RABGAP1L: variants seen among roughly 807,000 people sequenced by gnomAD.
RABGAP1L encodes rab GTPase-activating protein 1-like.
A neutral mutation model predicts 137.7 loss-of-function variants in RABGAP1L; 63 were observed. The ratio of observed to expected loss-of-function variants is 0.46; its 90% CI spans 0.37 to 0.56. RABGAP1L has a LOEUF of 0.56. RABGAP1L is among the 20% of genes least tolerant of loss of function. RABGAP1L has a pLI of 0.00. For synonymous variants in RABGAP1L, 431 were observed against 433.7 expected, an observed-to-expected ratio of 0.99 and a Z score of 0.08; for missense variants, 1,095 against 1,244.0, an observed-to-expected ratio of 0.88 and a Z score of 1.80.
At chr1:174,507,576 G>A (rs41397546) in intron 13 of RABGAP1L, among the ~76,000 whole-genome samples, 11,879 of 151,858 alleles carry the variant, frequency 0.078, 648 homozygotes, top group East Asian at 0.32. Context: ...ACTTCATATA[G>A]CAACTTCTTT....
intron 14 of RABGAP1L, among the ~76,000 whole-genome samples, chr1:174,681,640 C>T (rs1678073341): frequency 6.6e-6 from 1 of 152,060 alleles, no homozygotes; most frequent in African/African-American, 2.4e-5. Flanking sequence ...ACATAAATGC[C>T]CCAGCTCAAG....
Position 174,582,404 on chromosome 1 carries a change from C to A in RABGAP1L, c.1711-54971C>A, listed in dbSNP as rs535997317. 2.0e-5 allele frequency among the ~76,000 whole-genome samples: 3 copies of A among 152,140 alleles called. No homozygotes were observed. In the South Asian group the frequency reaches 6.2e-4, roughly 32 times the overall value. On this transcript the variant is annotated intron_variant, in intron 13 of 25. Coordinates refer to ENST00000681986, the MANE Select transcript of RABGAP1L (RefSeq NM_001366446.1). Reference sequence around the variant, plus strand: ...AGCTGCAAAGAGATGAGATGAAAATCAGGCAAGAGGTATTCTGGAGCCCAT... The same window carrying A: ...AGCTGCAAAGAGATGAGATGAAAATAAGGCAAGAGGTATTCTGGAGCCCAT...
intron 19 of RABGAP1L, chr1:174,897,974 A>T: frequency 8.7e-6 from 1 of 114,890 alleles, no homozygotes; most frequent in Admixed American, 8.4e-5. Context: ...GTGAGACTCC[A>T]TCTCAAAAAA....
chr1:174,517,325 A>C (rs1398028617), intron 13 of RABGAP1L, among the ~76,000 whole-genome samples: 1 of 152,162 alleles, frequency 6.6e-6, no homozygotes, highest in Non-Finnish European at 1.5e-5. Flanking sequence ...TTGAGGACAT[A>C]ATTTGAGAGA....
At chr1:174,590,499 CCT>C (rs1223912634) in intron 13 of RABGAP1L, among the ~76,000 whole-genome samples, 20 of 92,048 alleles carry the variant, frequency 2.2e-4, no homozygotes, top group African/African-American at 9.6e-4. Context: ...ATCCCTCCCC[CCT>C]CCCCCGACCC....
chr1:174,842,764 C>G (rs540567805), intron 19 of RABGAP1L, among the ~76,000 whole-genome samples: 1 of 152,298 alleles, frequency 6.6e-6, no homozygotes, highest in East Asian at 1.9e-4. Flanking sequence ...TGATCCTGTT[C>G]TCTGCTTCCA....
chr1:174,982,756 T>G, intron 23 of RABGAP1L, 78 bp from the exon 24 acceptor site: 1 of 1,361,822 alleles, frequency 7.3e-7, no homozygotes, highest in Non-Finnish European at 1.0e-6. Context: ...GCATAACACA[T>G]GAATTGATAA....
chr1:174,364,523 G>A (rs895246393), intron 11 of RABGAP1L, among the ~76,000 whole-genome samples: 10 of 151,838 alleles, frequency 6.6e-5, no homozygotes, highest in Non-Finnish European at 1.2e-4. Context: ...CAAAGTGCTG[G>A]GATTACAGGC....
chr1:174,811,480 AT>A (rs2148857074), intron 18 of RABGAP1L, among the ~76,000 whole-genome samples: 1 of 152,312 alleles, frequency 6.6e-6, no homozygotes, highest in South Asian at 2.1e-4. Flanking sequence ...GAAGTCACAG[AT>A]TAGTCCTAGA....
chr1:174,429,039 C>A (rs1013407474), intron 13 of RABGAP1L, among the ~76,000 whole-genome samples: 1 of 151,924 alleles, frequency 6.6e-6, no homozygotes, highest in Non-Finnish European at 1.5e-5. Context: ...AAATTAGGTT[C>A]TTTTTCTGGT....
chr1:174,939,867 A>G (rs912358724), intron 19 of RABGAP1L, among the ~76,000 whole-genome samples: 1 of 152,236 alleles, frequency 6.6e-6, no homozygotes, highest in African/African-American at 2.4e-5. Flanking sequence ...CATAGTCTTT[A>G]TCTGTTTCTT....
intron 13 of RABGAP1L, among the ~76,000 whole-genome samples, chr1:174,429,068 A>G (rs544697788): frequency 5.3e-5 from 8 of 152,310 alleles, no homozygotes; most frequent in Middle Eastern, 6.8e-3. Context: ...AGTGCTTGCA[A>G]TTCCTTTTTT....
intron 13 of RABGAP1L, among the ~76,000 whole-genome samples, chr1:174,402,617 T>A (rs1314090774): frequency 1.3e-5 from 2 of 152,162 alleles, no homozygotes; most frequent in Admixed American, 1.3e-4. Flanking sequence ...ACTGGAAGAC[T>A]TTTACCACAT....
At chr1:174,383,578 TTGAC>T (rs1398191355) in intron 12 of RABGAP1L, among the ~76,000 whole-genome samples, 4 of 152,138 alleles carry the variant, frequency 2.6e-5, no homozygotes, top group Non-Finnish European at 4.4e-5. Flanking sequence ...ACCGCTTTCT[TTGAC>T]TGGGAAAGGG....
intron 13 of RABGAP1L, among the ~76,000 whole-genome samples, chr1:174,396,380 T>C (rs1329497560): frequency 1.3e-5 from 2 of 152,106 alleles, no homozygotes; most frequent in Non-Finnish European, 2.9e-5. Flanking sequence ...CAATATTGAA[T>C]AGTATTTTAT....
At chr1:174,534,021 C>T (rs889740390) in intron 13 of RABGAP1L, among the ~76,000 whole-genome samples, 3 of 152,026 alleles carry the variant, frequency 2.0e-5, no homozygotes, top group East Asian at 3.9e-4. Context: ...AGGCTTCTGG[C>T]TAGCAGTAGG....
chr1:174,741,472 C>T (rs2148651961), intron 17 of RABGAP1L, among the ~76,000 whole-genome samples: 1 of 152,194 alleles, frequency 6.6e-6, no homozygotes, highest in East Asian at 1.9e-4. Context: ...AGATGATCCC[C>T]CTGCCTCACC....
rs1671921890 is a variant in RABGAP1L at position 174,989,746 on chromosome 1, G to C, written c.3004-103G>C. On this transcript the variant is annotated intron_variant, in intron 25 of 25. Coordinates refer to ENST00000681986, the MANE Select transcript of RABGAP1L (RefSeq NM_001366446.1). ...TCCTGGGTTTTGTGGGAGGAAAATT[G>C]GCAGCACATACCTTGAGACTCCAAA... is the stretch of plus-strand genomic sequence containing the variant. 4 of 1,271,206 alleles carry C rather than the reference G, an allele frequency of 3.1e-6. No individual in the cohort carries two copies. The East Asian group carries it at 1.0e-4, about 32-fold the overall frequency. The allele number at this position is 1,271,206 out of a possible 1,614,324, so 78.7% of individuals were successfully genotyped here.
intron 13 of RABGAP1L, among the ~76,000 whole-genome samples, chr1:174,442,140 TAA>T (rs1654230079): frequency 6.6e-6 from 1 of 152,064 alleles, no homozygotes; most frequent in South Asian, 2.1e-4. Flanking sequence ...GGTTTGGTAG[TAA>T]AGCTTAGCAT....
Sources: gnomAD v4.1 joint callset for allele counts (sites outside exome capture counted in the v4.1 genomes callset) on GRCh38, gnomAD v4.1.1 for gene constraint, MANE v1.5 for transcripts, NCBI Gene and HGNC (gene_info 2026-07-23, HGNC 2026-07-21) for gene names.